Variants in VPS35L observed in about 807,000 individuals in gnomAD.
The protein encoded by VPS35L is VPS35 endosomal protein-sorting factor-like.
A neutral mutation model predicts 133.0 loss-of-function variants in VPS35L; 83 were observed. That is an observed-to-expected ratio of 0.62 (90% CI 0.52 to 0.75). The LOEUF is 0.75. VPS35L is among the 30% of genes least tolerant of loss of function. The pLI is 0.00. For synonymous variants in VPS35L, 423 were observed against 449.9 expected (o/e 0.94, Z 0.76); for missense variants, 1,083 against 1,206.8 (o/e 0.90, Z 1.52).
chr16:19,570,883 A>ATTTTTTTTTTT (rs1366924758), intron 3 of VPS35L, among the ~76,000 whole-genome samples: 4 of 67,786 alleles, frequency 5.9e-5, no homozygotes, highest in African/African-American at 2.2e-4. Flanking sequence ...ATATATATAT[A>ATTTTTTTTTTT]TATATATTTT....
chr16:19,600,946 T>C (rs1465026840), intron 8 of VPS35L, among the ~76,000 whole-genome samples: 1 of 152,080 alleles, frequency 6.6e-6, no homozygotes, highest in Non-Finnish European at 1.5e-5. Flanking sequence ...GTTTTTGTGT[T>C]TGAGACAGGG....
At chr16:19,631,156 A>T (rs1973444300) in intron 18 of VPS35L, among the ~76,000 whole-genome samples, 1 of 152,152 alleles carries the variant, frequency 6.6e-6, no homozygotes, top group Non-Finnish European at 1.5e-5. Context: ...AGCCTCCAGA[A>T]CTGTGAGAAT....
chr16:19,607,004 G>T lies in VPS35L; in HGVS notation c.785-1174G>T, dbSNP rs226896. Among the ~76,000 whole-genome samples the T allele has an allele frequency of 2.6e-5, 4 of 152,014 alleles. No homozygotes were observed. The East Asian group carries it at 7.7e-4, about 29-fold the overall frequency. ...AGTATAAAACATCCAGTGGTGGGAT[G>T]GAGCTCTAATCTTTGCTGAAATCAT... On this transcript the variant is annotated intron_variant, in intron 9 of 30. Coordinates refer to ENST00000417362, the MANE Select transcript of VPS35L (RefSeq NM_020314.7).
intron 26 of VPS35L, among the ~76,000 whole-genome samples, chr16:19,667,200 G>C (rs1280487879): frequency 2.0e-5 from 3 of 151,926 alleles, no homozygotes; most frequent in Non-Finnish European, 2.9e-5. Flanking sequence ...CTGACCTCAA[G>C]TGATCGACCC....
chr16:19,594,918 G>A (rs1042422229), intron 8 of VPS35L, among the ~76,000 whole-genome samples: 2 of 152,118 alleles, frequency 1.3e-5, no homozygotes, highest in Non-Finnish European at 2.9e-5. Context: ...GGCGGTGAGA[G>A]GGGAGAGGTG....
chr16:19,658,159 T>C (rs1220496477), intron 26 of VPS35L, among the ~76,000 whole-genome samples: 3 of 152,192 alleles, frequency 2.0e-5, no homozygotes, highest in Non-Finnish European at 4.4e-5. Flanking sequence ...CTTCCTCCTG[T>C]CAGTATTTTC....
chr16:19,637,620 T>C lies in VPS35L; in HGVS notation c.1662T>C (p.Ile554=). 1 of 1,575,660 alleles carries C rather than the reference T, an allele frequency of 6.3e-7. No individual in the cohort carries two copies. The highest frequency in any genetic ancestry group is 8.6e-7 in the Non-Finnish European group (1 of 1,156,702). The part of the protein sequence containing the change: ...PQLQLIIKKV[I]AHFHDFSVLF... ...TTCAGTTAATAATTAAGAAAGTTAT[T>C]GCCCACTTCCATGACTTCTCAGTTC... Residue 554 remains isoleucine, a synonymous_variant, in exon 20 of 31, where the codon ATT becomes ATC. Transcript: ENST00000417362.
intron 2 of VPS35L, among the ~76,000 whole-genome samples, chr16:19,566,185 C>G (rs1322972420): frequency 6.6e-6 from 1 of 152,070 alleles, no homozygotes; most frequent in African/African-American, 2.4e-5. Context: ...TTCTCAGGTG[C>G]CCGTTCCCCA....
Position 19,601,660 on chromosome 16 carries a change from C to A in VPS35L, c.725-4C>A. ...ACTAACACCATCTGTCCTTTTCCTC[C>A]CAGGAAAGCTCGTGTACGAGCGCAT... On this transcript the variant is annotated splice_polypyrimidine_tract_variant and splice_region_variant and intron_variant, in intron 8 of 30. Transcript: ENST00000417362. 6.2e-7 allele frequency: 1 copy of A among 1,614,018 alleles called. No homozygotes were observed. Among genetic ancestry groups the A allele is most frequent in the Non-Finnish European group, 8.5e-7 (1 of 1,179,950 alleles).
At chr16:19,658,465 G>C (rs1974374406) in intron 26 of VPS35L, among the ~76,000 whole-genome samples, 1 of 152,170 alleles carries the variant, frequency 6.6e-6, no homozygotes, top group Non-Finnish European at 1.5e-5. Context: ...GGAGGGCAGA[G>C]GTTGCAGTGA....
At chr16:19,640,149 G>T in intron 21 of VPS35L, 49 bp downstream of exon 21, 1 of 1,530,588 alleles carries the variant, frequency 6.5e-7, no homozygotes. Flanking sequence ...ATGTCCTTGT[G>T]AAACCTGTTG....
At chr16:19,616,256 C>G (rs933781138) in intron 13 of VPS35L, 65 bp downstream of exon 13, 2 of 1,446,536 alleles carry the variant, frequency 1.4e-6, no homozygotes, top group Non-Finnish European at 1.9e-6. Flanking sequence ...TTCACAAAAC[C>G]CAGTTGGTTT....
chr16:19,607,665 A>G (rs1474183747), intron 9 of VPS35L: 1 of 153,172 alleles, frequency 6.5e-6, no homozygotes, highest in Non-Finnish European at 1.5e-5. Context: ...TGTGTAGAGC[A>G]AAAGCTTAGA....
In VPS35L at chr16:19,699,459, C is replaced by T. The variant is rs1976031216; in HGVS notation, c.2647-43C>T. 1 of 1,611,860 alleles carries T rather than the reference C, an allele frequency of 6.2e-7. No homozygotes were observed. The highest frequency in any genetic ancestry group is 8.5e-7 in the Non-Finnish European group (1 of 1,178,680). ...CCACAGCATCTCTGCGGGGCACGGC[C>T]TGAGCCCCAGTGCAAGGCAGTAACC... On this transcript the variant is annotated intron_variant, in intron 29 of 30. Coordinates refer to ENST00000417362, the MANE Select transcript of VPS35L (RefSeq NM_020314.7). The surrounding 1 kb of genome is among the most constrained non-coding windows in gnomAD (Gnocchi z 4.2).
intron 14 of VPS35L, 47 bp from the exon 15 acceptor site, chr16:19,626,130 G>A: frequency 8.0e-7 from 1 of 1,255,898 alleles, no homozygotes; most frequent in Non-Finnish European, 1.1e-6. Context: ...TGTTACTTTA[G>A]CTCCTCCAAC....
At chr16:19,638,137 G>T (rs369098413) in intron 20 of VPS35L, among the ~76,000 whole-genome samples, 3 of 152,310 alleles carry the variant, frequency 2.0e-5, no homozygotes, top group African/African-American at 7.2e-5. Flanking sequence ...TTTGTTCAGT[G>T]CCCTGGGCAA....
At chr16:19,659,967 CT>C (rs1238566043) in intron 26 of VPS35L, among the ~76,000 whole-genome samples, 3 of 152,130 alleles carry the variant, frequency 2.0e-5, no homozygotes, top group African/African-American at 7.2e-5. Flanking sequence ...AGCCAGAACC[CT>C]GCTTTACTAA....
chr16:19,669,113 A>C, intron 26 of VPS35L, 47 bp from the exon 27 acceptor site: 1 of 1,544,770 alleles, frequency 6.5e-7, no homozygotes. Context: ...AAGCCAACTA[A>C]ATTTCCCAGA....
chr16:19,646,868 C>T (rs1973967448), intron 23 of VPS35L, among the ~76,000 whole-genome samples: 1 of 152,022 alleles, frequency 6.6e-6, no homozygotes, highest in Admixed American at 6.6e-5. Flanking sequence ...AACATCCCAC[C>T]ATTATACTAT....
Sources: gnomAD v4.1 joint callset for allele counts (sites outside exome capture counted in the v4.1 genomes callset) on GRCh38, gnomAD v4.1.1 for gene constraint, Gnocchi (gnomAD v3.1) non-coding constraint, MANE v1.5 for transcripts, NCBI Gene and HGNC (gene_info 2026-07-23, HGNC 2026-07-21) for gene names.